ZBTB4: variants seen among roughly 807,000 people sequenced by gnomAD.
ZBTB4 encodes the protein zinc finger and BTB domain-containing protein 4.
ZBTB4 carries 14 observed loss-of-function variants against 59.8 expected under a neutral mutation model. The ratio of observed to expected loss-of-function variants is 0.23; its 90% CI spans 0.15 to 0.37. The LOEUF (loss-of-function observed/expected upper bound fraction) is 0.37. ZBTB4 is among the 10% of genes least tolerant of loss of function. ZBTB4 has a pLI of 1.00. For missense variants in ZBTB4, 1,198 were observed against 1,380.8 expected, an observed-to-expected ratio of 0.87 and a Z score of 2.10; for synonymous variants, 587 against 575.2, an observed-to-expected ratio of 1.02 and a Z score of -0.29.
Position 7,463,515 on chromosome 17 carries a change from ACTG to A in ZBTB4, c.1464_1466del (p.Ser489del). 6.4e-7 allele frequency: 1 copy of A among 1,566,472 alleles called. No homozygotes were observed. The highest frequency in any genetic ancestry group is 1.7e-4 in the Middle Eastern group (1 of 5,860). Reference sequence around the variant, plus strand: ...TGGCCGTCCCACTCCCCCCTCCACCACTGCTACTGCCCCCATGGACAATGACAG... The same window carrying A: ...TGGCCGTCCCACTCCCCCCTCCACCACTACTGCCCCCATGGACAATGACAG... On this transcript the variant is annotated inframe_deletion, in exon 4 of 4. Transcript: ENST00000380599.
upstream of ZBTB4, chr17:7,481,949 G>C (rs755930926): frequency 5.2e-6 from 8 of 1,550,090 alleles, no homozygotes; most frequent in Non-Finnish European, 6.1e-6. Flanking sequence ...CGCCTGGGCT[G>C]CGGCTGCTGT....
At chr17:7,472,258 T>C (rs1051681393) in intron 1 of ZBTB4, among the ~76,000 whole-genome samples, 2 of 151,948 alleles carry the variant, frequency 1.3e-5, no homozygotes, top group Non-Finnish European at 2.9e-5. Flanking sequence ...TGGTGCGATC[T>C]GGGCTCACTG....
chr17:7,483,120 C>G (rs2070369332), upstream of ZBTB4: 21 of 1,507,002 alleles, frequency 1.4e-5, 1 homozygote, highest in Admixed American at 6.2e-5. Flanking sequence ...GGATACCTCT[C>G]AGAGTCAAGG....
At chr17:7,467,493 A>G (rs1206706649) in intron 1 of ZBTB4, among the ~76,000 whole-genome samples, 166 bp from the exon 2 acceptor site, 2 of 152,198 alleles carry the variant, frequency 1.3e-5, no homozygotes, top group Non-Finnish European at 2.9e-5. Flanking sequence ...AGCCTCTGCC[A>G]GGTTATTTGT....
chr17:7,469,178 T>C (rs2070165677), intron 1 of ZBTB4, among the ~76,000 whole-genome samples: 1 of 152,088 alleles, frequency 6.6e-6, no homozygotes, highest in African/African-American at 2.4e-5. Context: ...ATTTTATTTA[T>C]TTGTTTTGAG....
chr17:7,473,507 G>A (rs560386317), intron 1 of ZBTB4, among the ~76,000 whole-genome samples: 1 of 152,044 alleles, frequency 6.6e-6, no homozygotes, highest in South Asian at 2.1e-4. Context: ...TGATCTGCCC[G>A]CCTCAGCCTC....
intron 3 of ZBTB4, among the ~76,000 whole-genome samples, chr17:7,464,106 C>T (rs1258326523): frequency 1.3e-5 from 2 of 152,308 alleles, no homozygotes; most frequent in Non-Finnish European, 1.5e-5. Flanking sequence ...CCATCTGGGA[C>T]GCAGCCTAAC....
upstream of ZBTB4, among the ~76,000 whole-genome samples, chr17:7,480,890 C>G (rs970267904): frequency 1.3e-5 from 2 of 151,492 alleles, no homozygotes; most frequent in African/African-American, 4.8e-5. Flanking sequence ...CACGGTGGCT[C>G]ATGCCTGTAA....
At chr17:7,473,092 C>T (rs7209131) in intron 1 of ZBTB4, among the ~76,000 whole-genome samples, 78,169 of 141,294 alleles carry the variant, frequency 0.55, 22,678 homozygotes, top group East Asian at 0.75. Context: ...GTCACTGGGA[C>T]TATAGGCGCG....
At chr17:7,465,084 A>T (rs1597767064) in intron 3 of ZBTB4, among the ~76,000 whole-genome samples, 2 of 148,276 alleles carry the variant, frequency 1.3e-5, no homozygotes, top group African/African-American at 2.5e-5. Context: ...TGAACCTGGG[A>T]AGTGGAGCTT....
chr17:7,475,648 G>C (rs2070259318), intron 1 of ZBTB4, among the ~76,000 whole-genome samples: 1 of 152,120 alleles, frequency 6.6e-6, no homozygotes, highest in Non-Finnish European at 1.5e-5. Context: ...ATGTTGGCCA[G>C]GCTGGTCTTG....
At chr17:7,471,138 C>G (rs1384074860) in intron 1 of ZBTB4, among the ~76,000 whole-genome samples, 3 of 152,082 alleles carry the variant, frequency 2.0e-5, no homozygotes, top group Non-Finnish European at 4.4e-5. Flanking sequence ...CCCTTAAGAT[C>G]ACACACAATC....
At chr17:7,465,645 G>T (rs551738890) in intron 3 of ZBTB4, 66 bp downstream of exon 3, 1 of 1,515,100 alleles carries the variant, frequency 6.6e-7, no homozygotes, top group Non-Finnish European at 8.9e-7. Flanking sequence ...ACCCACTGCC[G>T]CCCTTGTTCC....
chr17:7,461,883 G>T lies in ZBTB4; in HGVS notation c.*57C>A. 6.9e-7 allele frequency: 1 copy of T among 1,447,984 alleles called. No homozygotes were observed. The highest frequency in any genetic ancestry group is 2.3e-5 in the East Asian group (1 of 42,582). The allele number at this position is 1,447,984 out of a possible 1,614,324, so 89.7% of individuals were successfully genotyped here. ...GGGCAGGGAGGCCAGGGAGCTGGTA[G>T]TGGTGGGGGGTTCAGGGAGGGTGGC... On this transcript the variant is annotated 3_prime_UTR_variant, in exon 4 of 4. Coordinates refer to ENST00000380599, the MANE Select transcript of ZBTB4 (RefSeq NM_001128833.2).
chr17:7,476,681 A>G (rs1311556731), intron 1 of ZBTB4, among the ~76,000 whole-genome samples: 1 of 152,156 alleles, frequency 6.6e-6, no homozygotes, highest in African/African-American at 2.4e-5. Context: ...GATGAGAACG[A>G]TCATTCCTTC....
chr17:7,469,907 C>A (rs531017448), intron 1 of ZBTB4, among the ~76,000 whole-genome samples: 1 of 151,758 alleles, frequency 6.6e-6, no homozygotes, highest in East Asian at 2.0e-4. Context: ...CATGGTGAAA[C>A]CCTCTCTCTA....
At chr17:7,467,119 T>C (rs2070139036) in intron 2 of ZBTB4, 138 bp downstream of exon 2, 1 of 1,153,378 alleles carries the variant, frequency 8.7e-7, no homozygotes, top group Non-Finnish European at 1.1e-6. Flanking sequence ...ATCTCTCTCA[T>C]GGGAAGGAGG....
chr17:7,483,122 G>A (rs1178370448), upstream of ZBTB4: 2 of 1,494,392 alleles, frequency 1.3e-6, no homozygotes, highest in Admixed American at 2.1e-5. Context: ...ATACCTCTCA[G>A]AGTCAAGGGT....
Position 7,467,354 on chromosome 17 carries a change from G to C in ZBTB4, c.-80-27C>G, listed in dbSNP as rs979188566. ...TGCGGAGAAACAGAAATTATGTCAG[G>C]GGAACCTAGAGGAGGAGCAGAAGAG... On this transcript the variant is annotated intron_variant, in intron 1 of 3. Coordinates refer to ENST00000380599, the MANE Select transcript of ZBTB4 (RefSeq NM_001128833.2). 5.5e-6 allele frequency: 4 copies of C among 724,366 alleles called. No homozygotes were observed. In the African/African-American group the frequency reaches 7.7e-5, roughly 14 times the overall value. The allele number at this position is 724,366 out of a possible 1,614,324, so 44.9% of individuals were successfully genotyped here. A position where few individuals can be genotyped will look rare whatever the true frequency, so the allele number is the denominator to read the frequency against.
Sources: gnomAD v4.1 joint callset for allele counts (sites outside exome capture counted in the v4.1 genomes callset) on GRCh38, gnomAD v4.1.1 for gene constraint, MANE v1.5 for transcripts, NCBI Gene and HGNC (gene_info 2026-07-23, HGNC 2026-07-21) for gene names.